The following ANKFN1 variants were observed in gnomAD, a reference collection of about 807,000 sequenced individuals.
ANKFN1 encodes the protein ankyrin repeat and fibronectin type III domain containing 1, also known as ankyrin repeat and fibronectin type-III domain-containing protein 1.
Under a neutral mutation model 108.7 loss-of-function variants are expected in ANKFN1, and 74 were observed. The observed-to-expected ratio is 0.68, with a 90% CI of 0.56 to 0.83. ANKFN1 has a LOEUF of 0.83. ANKFN1 is among the 40% of genes least tolerant of loss of function. The probability of loss-of-function intolerance (pLI) is 0.00; values close to 1 mark genes in which losing one functional copy is unlikely to be tolerated. For missense variants in ANKFN1, 1,505 were observed against 1,382.3 expected (o/e 1.09, Z -1.41); for synonymous variants, 547 against 516.2 (o/e 1.06, Z -0.81).
chr17:56,220,832 GAGGA>G (rs1192702253), intron 2 of ANKFN1, among the ~76,000 whole-genome samples: 338 of 43,282 alleles, frequency 7.8e-3, no homozygotes, highest in Admixed American at 0.017. Context: ...GGAAGGAAGG[GAGGA>G]AGGGAGGGAG....
chr17:56,171,199 A>G (rs1360155920), intron 1 of ANKFN1, among the ~76,000 whole-genome samples: 1 of 152,018 alleles, frequency 6.6e-6, no homozygotes, highest in Non-Finnish European at 1.5e-5. Flanking sequence ...ACCAGGAAGC[A>G]TTGTCTTATT....
chr17:56,124,394 AT>A (rs1906803169), intron 4 of ANKFN1, among the ~76,000 whole-genome samples: 1 of 152,212 alleles, frequency 6.6e-6, no homozygotes, highest in African/African-American at 2.4e-5. Flanking sequence ...CCACTGTAGC[AT>A]ATAAGCACAT....
At chr17:56,082,850 C>A (rs923729157) in intron 4 of ANKFN1, among the ~76,000 whole-genome samples, 1 of 141,338 alleles carries the variant, frequency 7.1e-6, no homozygotes, top group East Asian at 1.9e-4. Flanking sequence ...TGCCATTGCA[C>A]CTGTCCCAGT....
chr17:56,370,275 A>G (rs561512658), intron 6 of ANKFN1, among the ~76,000 whole-genome samples: 2 of 152,320 alleles, frequency 1.3e-5, no homozygotes, highest in East Asian at 3.9e-4. Flanking sequence ...CTCAAATTGC[A>G]TCTAAAGCCT....
Position 56,477,663 on chromosome 17 carries a change from T to C in ANKFN1, c.1940+9T>C. 1 of 1,611,942 alleles carries C rather than the reference T, an allele frequency of 6.2e-7. No individual in the cohort carries two copies. ...AACAATAATATTTCTAGGTAAGTGA[T>C]CAGGAGTTAAGATTTTCCTTGTGAT... On this transcript the variant is annotated intron_variant, in intron 16 of 20. Coordinates refer to ENST00000682825, the MANE Select transcript of ANKFN1 (RefSeq NM_001370326.1).
chr17:56,084,972 G>T (rs1284380154), intron 4 of ANKFN1, among the ~76,000 whole-genome samples: 2 of 150,720 alleles, frequency 1.3e-5, no homozygotes, highest in African/African-American at 4.9e-5. Context: ...TCTGGGCTCA[G>T]TTCAAGATTT....
chr17:56,121,198 C>T (rs536332580), intron 4 of ANKFN1, among the ~76,000 whole-genome samples: 1 of 151,952 alleles, frequency 6.6e-6, no homozygotes, highest in East Asian at 1.9e-4. Flanking sequence ...TTCCAAGCAG[C>T]GTGTTCTACT....
chr17:56,475,294 C>T (rs2050461962), intron 15 of ANKFN1, among the ~76,000 whole-genome samples: 1 of 152,126 alleles, frequency 6.6e-6, no homozygotes, highest in African/African-American at 2.4e-5. Context: ...TTTTGACCTC[C>T]TCAAAAGTAG....
intron 8 of ANKFN1, among the ~76,000 whole-genome samples, chr17:56,387,013 G>T (rs918818770): frequency 1.3e-5 from 2 of 151,890 alleles, no homozygotes; most frequent in African/African-American, 4.8e-5. Context: ...GGTGATTATA[G>T]CCCCTTTAAT....
At chr17:56,127,786 A>T (rs977584608) in intron 4 of ANKFN1, among the ~76,000 whole-genome samples, 3 of 152,184 alleles carry the variant, frequency 2.0e-5, no homozygotes, top group Non-Finnish European at 4.4e-5. Flanking sequence ...AAAGATCCTA[A>T]CTAAAATTCT....
intron 9 of ANKFN1, 129 bp downstream of exon 9, chr17:56,440,553 C>T (rs1219985814): frequency 1.6e-6 from 1 of 618,534 alleles, no homozygotes. Flanking sequence ...ACTCATTAAG[C>T]ATGATATGTC....
intron 1 of ANKFN1, among the ~76,000 whole-genome samples, chr17:56,173,755 C>T (rs1910883687): frequency 6.6e-6 from 1 of 152,204 alleles, no homozygotes; most frequent in Non-Finnish European, 1.5e-5. Context: ...AGTCACCACA[C>T]CCAGCCAGAT....
intron 18 of ANKFN1, among the ~76,000 whole-genome samples, chr17:56,491,941 G>A (rs1224951513): frequency 6.6e-6 from 1 of 152,110 alleles, no homozygotes; most frequent in Non-Finnish European, 1.5e-5. Flanking sequence ...CATAACTGCA[G>A]CTTTAGCCAA....
At chr17:56,267,502 A>G (rs1164414958) in intron 3 of ANKFN1, among the ~76,000 whole-genome samples, 16 of 152,126 alleles carry the variant, frequency 1.1e-4, no homozygotes, top group Admixed American at 9.8e-4. Flanking sequence ...TCTGTTCAGA[A>G]TAGTATTTCC....
intron 16 of ANKFN1, among the ~76,000 whole-genome samples, chr17:56,478,035 C>A (rs1232283936): frequency 6.6e-6 from 1 of 152,124 alleles, no homozygotes; most frequent in Non-Finnish European, 1.5e-5. Context: ...CCATGTTGGT[C>A]GGGCTGGTCT....
chr17:56,158,322 C>T (rs1317464957), intron 1 of ANKFN1, among the ~76,000 whole-genome samples: 4 of 152,190 alleles, frequency 2.6e-5, no homozygotes. Context: ...ATCCTCCCAA[C>T]CCAAGACCTT....
chr17:56,336,510 G>A (rs1452755188), intron 4 of ANKFN1, among the ~76,000 whole-genome samples: 2 of 152,196 alleles, frequency 1.3e-5, no homozygotes, highest in Non-Finnish European at 2.9e-5. Flanking sequence ...TTGTGTAGAA[G>A]CGTTTATAGT....
chr17:56,170,901 C>G (rs116489913), intron 1 of ANKFN1, among the ~76,000 whole-genome samples: 1 of 149,080 alleles, frequency 6.7e-6, no homozygotes, highest in East Asian at 2.0e-4. Flanking sequence ...TTACTACCAC[C>G]GCCATACACA....
chr17:56,086,989 G>A (rs977125698), intron 4 of ANKFN1, among the ~76,000 whole-genome samples: 4 of 151,206 alleles, frequency 2.6e-5, no homozygotes, highest in African/African-American at 4.9e-5. Flanking sequence ...TATTTATCTG[G>A]CAGAAAGTTT....
Sources: gnomAD v4.1 joint callset for allele counts (sites outside exome capture counted in the v4.1 genomes callset) on GRCh38, gnomAD v4.1.1 for gene constraint, MANE v1.5 for transcripts, NCBI Gene and HGNC (gene_info 2026-07-23, HGNC 2026-07-21) for gene names.